The following TPPP variants were observed in gnomAD, a reference collection of about 807,000 sequenced individuals.
TPPP encodes the protein tubulin polymerization-promoting protein.
In TPPP, 6 loss-of-function variants were observed where a neutral mutation model predicts 15.5. The observed-to-expected ratio is 0.39, with a 90% CI of 0.21 to 0.77. The LOEUF is 0.77. Among genes scored for constraint, TPPP ranks in the 30% least tolerant of loss-of-function variants. The probability of loss-of-function intolerance (pLI) is 0.42; values close to 1 mark genes in which losing one functional copy is unlikely to be tolerated. For missense variants in TPPP, 269 were observed against 307.2 expected (o/e 0.88, Z 0.93); for synonymous variants, 146 against 133.9 (o/e 1.09, Z -0.63).
At position 661,202 on chromosome 5, in the gene TPPP, T is replaced by G. The variant is rs1739578600; in HGVS notation, c.*3900A>C. 6.5e-6 allele frequency: 1 copy of G among 152,836 alleles called. No homozygotes were observed. Among genetic ancestry groups the G allele is most frequent in the South Asian group, 2.0e-4 (1 of 4,880 alleles). The allele number at this position is 152,836 out of a possible 1,614,324, so 9.5% of individuals were successfully genotyped here. ...CCTCCCGACAGAACCTATTCCTGTG[T>G]CCTGGTGTCACCCCCAACAGAACCT... On this transcript the variant is annotated 3_prime_UTR_variant, in exon 4 of 4. Coordinates refer to ENST00000360578, the MANE Select transcript of TPPP (RefSeq NM_007030.3).
upstream of TPPP, among the ~76,000 whole-genome samples, chr5:696,874 TTGTG>T (rs1404278394): frequency 1.0e-5 from 1 of 98,442 alleles, no homozygotes; most frequent in South Asian, 3.2e-4. Flanking sequence ...GTGTGTCTAT[TTGTG>T]TGTCTCTGTG....
chr5:669,209 A>C (rs1350204117), intron 2 of TPPP, among the ~76,000 whole-genome samples: 1 of 152,166 alleles, frequency 6.6e-6, no homozygotes, highest in Non-Finnish European at 1.5e-5. Context: ...GCAGCCACGC[A>C]GGGCACATTC....
At position 661,815 on chromosome 5, in the gene TPPP, C is replaced by G. The variant is rs996927148; in HGVS notation, c.*3287G>C. The G allele has an allele frequency of 2.6e-5, 4 of 152,428 alleles. No individual in the cohort carries two copies. In the East Asian group the frequency reaches 7.5e-4, roughly 29 times the overall value. 9.4% of individuals were successfully genotyped at this position (152,428 alleles called of 1,614,324 possible). ...CTGGCTAGGTGACAGAGATGGGAGCCGAGTGGGTGTTTTCAAAGATTCGCT... is the reference window on the plus strand; with the variant it reads ...CTGGCTAGGTGACAGAGATGGGAGCGGAGTGGGTGTTTTCAAAGATTCGCT... On this transcript the variant is annotated 3_prime_UTR_variant, in exon 4 of 4. Coordinates refer to ENST00000360578, the MANE Select transcript of TPPP (RefSeq NM_007030.3).
In TPPP at chr5:664,317, C is replaced by A. The variant is rs1739806903; in HGVS notation, c.*785G>T. On this transcript the variant is annotated 3_prime_UTR_variant, in exon 4 of 4. Coordinates refer to ENST00000360578, the MANE Select transcript of TPPP (RefSeq NM_007030.3). ...CAGGGACCGGACATTCTGAATCTTC[C>A]CAGACCCGCTCTGAGAACATAGGCA... 6.6e-6 allele frequency: 1 copy of A among 152,464 alleles called. No homozygotes were observed. Among genetic ancestry groups the A allele is most frequent in the African/African-American group, 2.4e-5 (1 of 41,470 alleles). The allele number at this position is 152,464 out of a possible 1,614,324, so 9.4% of individuals were successfully genotyped here.
At chr5:665,584 G>A (rs1739863100) in intron 3 of TPPP, among the ~76,000 whole-genome samples, 1 of 151,146 alleles carries the variant, frequency 6.6e-6, no homozygotes, top group Non-Finnish European at 1.5e-5. Context: ...TGTCAGAACA[G>A]CCAGGCCCCA....
chr5:676,219 G>A (rs56032232), intron 2 of TPPP: 4,093 of 152,310 alleles, frequency 0.027, 197 homozygotes, highest in African/African-American at 0.094. Context: ...ACTCAGATGC[G>A]CCGTACACAA....
chr5:674,954 G>A (rs1190153024), intron 2 of TPPP, among the ~76,000 whole-genome samples: 1 of 150,552 alleles, frequency 6.6e-6, no homozygotes, highest in Non-Finnish European at 1.5e-5. Context: ...TGAGGGAGGT[G>A]CAGCCCTGAG....
chr5:677,731 G>T lies in TPPP; in HGVS notation c.311+19C>A. On this transcript the variant is annotated intron_variant, in intron 2 of 3. Coordinates refer to ENST00000360578, the MANE Select transcript of TPPP (RefSeq NM_007030.3). Reference sequence around the variant, plus strand: ...CCCCGTAAGTCAGGTCCCTCGGCCCGTGAGCCCAGCGCACTCACTTGATCT... The same window carrying T: ...CCCCGTAAGTCAGGTCCCTCGGCCCTTGAGCCCAGCGCACTCACTTGATCT... The T allele has an allele frequency of 6.5e-7, 1 of 1,529,616 alleles. No homozygotes were observed. The highest frequency in any genetic ancestry group is 1.3e-5 in the South Asian group (1 of 79,624). The allele number at this position is 1,529,616 out of a possible 1,614,324, so 94.8% of individuals were successfully genotyped here.
At chr5:676,909 A>ACACACGACGCAGAAACGCACGCGCG (rs1740460770) in intron 2 of TPPP, among the ~76,000 whole-genome samples, 1 of 105,666 alleles carries the variant, frequency 9.5e-6, no homozygotes, top group African/African-American at 3.6e-5. Flanking sequence ...GCACGCGCGC[A>ACACACGACGCAGAAACGCACGCGCG]TACACGACGC....
chr5:671,080 C>T (rs941590516), intron 2 of TPPP, among the ~76,000 whole-genome samples: 3 of 152,226 alleles, frequency 2.0e-5, no homozygotes, highest in African/African-American at 7.2e-5. Context: ...ATGAAGCCCC[C>T]ACACAGCCGG....
intron 3 of TPPP, 46 bp from the exon 4 acceptor site, chr5:665,342 G>C: frequency 6.4e-7 from 1 of 1,560,056 alleles, no homozygotes; most frequent in Non-Finnish European, 8.7e-7. Flanking sequence ...TGCGAGCCAG[G>C]TGAGGCCAGC....
intron 1 of TPPP, among the ~76,000 whole-genome samples, chr5:678,994 A>G (rs2126904636): frequency 6.6e-6 from 1 of 152,198 alleles, no homozygotes; most frequent in South Asian, 2.1e-4. Context: ...TGCTTCCCAA[A>G]GGGGCCTGGA....
At chr5:675,377 GT>G (rs1561087121) in intron 2 of TPPP, among the ~76,000 whole-genome samples, 37 of 107,476 alleles carry the variant, frequency 3.4e-4, no homozygotes, top group Non-Finnish European at 5.6e-4. Context: ...GTGGCCGGGG[GT>G]GCAGCGCAGA....
rs961438662 is a variant in TPPP, at chr5:660,739, T to C, written c.*4363A>G. The stretch of plus-strand genomic sequence containing the variant: ...GTGTGAAAACACAGGACAGGCCCTG[T>C]GCCAACAAAACACCATTCACAAAAG... On this transcript the variant is annotated 3_prime_UTR_variant, in exon 4 of 4. Coordinates refer to ENST00000360578, the MANE Select transcript of TPPP (RefSeq NM_007030.3). The C allele has an allele frequency of 1.3e-5, 2 of 152,362 alleles. No individual in the cohort carries two copies. The highest frequency in any genetic ancestry group is 2.4e-5 in the African/African-American group (1 of 41,452). 9.4% of individuals were successfully genotyped at this position (152,362 alleles called of 1,614,324 possible).
chr5:682,826 G>A (rs1209621944), intron 1 of TPPP, among the ~76,000 whole-genome samples: 1 of 152,242 alleles, frequency 6.6e-6, no homozygotes, highest in Non-Finnish European at 1.5e-5. Context: ...AGCCTTGCTG[G>A]CAGAGGAGGC....
rs539809530 is a variant in TPPP at position 672,406 on chromosome 5, T to C, written c.311+5344A>G. Among the ~76,000 whole-genome samples, 11 of 152,342 alleles carry C rather than the reference T, an allele frequency of 7.2e-5. No homozygotes were observed. In the East Asian group the frequency reaches 2.1e-3, roughly 29 times the overall value. ...CTATAGGAAACGTCAGTGCATTTAC[T>C]TGGGAAAATACACCACACCCAGCAC... On this transcript the variant is annotated intron_variant, in intron 2 of 3. Transcript: ENST00000360578.
chr5:667,856 CGT>C (rs1739990908), intron 2 of TPPP, among the ~76,000 whole-genome samples: 5 of 127,382 alleles, frequency 3.9e-5, no homozygotes, highest in East Asian at 2.4e-4. Context: ...GCGTGGGCGC[CGT>C]CAGGGAAGTA....
At chr5:685,254 G>A (rs1242909090) in intron 1 of TPPP, among the ~76,000 whole-genome samples, 3 of 152,232 alleles carry the variant, frequency 2.0e-5, no homozygotes, top group Admixed American at 1.3e-4. Context: ...ACCTGAGGTC[G>A]GGCTCCTGCT....
chr5:682,577 C>G (rs1740657709), intron 1 of TPPP, among the ~76,000 whole-genome samples: 1 of 149,784 alleles, frequency 6.7e-6, no homozygotes, highest in Non-Finnish European at 1.5e-5. Flanking sequence ...GGCCAGGGGT[C>G]TGCCCCTTGG....
Sources: allele counts gnomAD v4.1 joint callset (sites outside exome capture counted in the v4.1 genomes callset), GRCh38; gene constraint gnomAD v4.1.1; transcripts MANE v1.5; gene names NCBI Gene and HGNC (gene_info 2026-07-23, HGNC 2026-07-21).